The following PCDHA4 variants were observed in gnomAD, a reference collection of about 807,000 sequenced individuals.
The protein encoded by PCDHA4 is protocadherin alpha 4.
In PCDHA4, 49 loss-of-function variants were observed where a neutral mutation model predicts 61.4. The ratio of observed to expected loss-of-function variants is 0.80; its 90% CI spans 0.63 to 1.01. The LOEUF (loss-of-function observed/expected upper bound fraction) is 1.01, where lower values mean the gene tolerates loss of function less well. Ranked by LOEUF, PCDHA4 falls within the 50% of genes least tolerant of loss-of-function variation. The probability of loss-of-function intolerance (pLI) is 0.00; values close to 1 mark genes in which losing one functional copy is unlikely to be tolerated. For synonymous variants in PCDHA4, 590 were observed against 550.3 expected (o/e 1.07, Z -1.01); for missense variants, 1,254 against 1,235.8 (o/e 1.01, Z -0.22).
intron 1 of PCDHA4, among the ~76,000 whole-genome samples, chr5:140,939,509 C>T (rs1013863525): frequency 9.3e-5 from 14 of 150,592 alleles, no homozygotes; most frequent in Non-Finnish European, 1.8e-4. Flanking sequence ...ATGTCTATAA[C>T]ATTAATAGTT....
At chr5:140,883,217 G>A (rs868963567) in intron 1 of PCDHA4, 1 of 1,613,990 alleles carries the variant, frequency 6.2e-7, no homozygotes, top group Non-Finnish European at 8.5e-7. Context: ...GAAATTATAT[G>A]AAATATCCGT....
chr5:140,858,024 C>A lies in PCDHA4; in HGVS notation c.2385+48452C>A, dbSNP rs782656168. On this transcript the variant is annotated intron_variant, in intron 1 of 3. Transcript: ENST00000530339. ...AAGGACCATGGCGAGCCGTCGCTGACGGCCACGGCCACTGTGCTTGTGTCG... is the reference window on the plus strand; with the variant it reads ...AAGGACCATGGCGAGCCGTCGCTGAAGGCCACGGCCACTGTGCTTGTGTCG... 1 of 1,596,584 alleles carries A rather than the reference C, an allele frequency of 6.3e-7. No individual in the cohort carries two copies. Among genetic ancestry groups the A allele is most frequent in the East Asian group, 2.2e-5 (1 of 44,824 alleles).
At chr5:140,987,124 G>T (rs2097230182) in intron 3 of PCDHA4, among the ~76,000 whole-genome samples, 1 of 151,678 alleles carries the variant, frequency 6.6e-6, no homozygotes, top group Non-Finnish European at 1.5e-5. Flanking sequence ...TGAGGCAGGA[G>T]AATTGCTTGA....
rs58232896 is a variant in PCDHA4 at position 140,946,262 on chromosome 5, C to T, written c.2386-32687C>T. Among the ~76,000 whole-genome samples the T allele has an allele frequency of 3.4e-3, 520 of 151,790 alleles. 2 individuals are homozygous for T. Among genetic ancestry groups the T allele is most frequent in the African/African-American group, 0.012 (483 of 41,394 alleles). On this transcript the variant is annotated intron_variant, in intron 1 of 3. Transcript: ENST00000530339. Reference sequence around the variant, plus strand: ...AACATCATGAATCATCAGAAAAATGCGAATTAAAACCCCAATGAGATATCA... The same window carrying T: ...AACATCATGAATCATCAGAAAAATGTGAATTAAAACCCCAATGAGATATCA...
At chr5:140,813,728 G>C (rs1765368616) in intron 1 of PCDHA4, 1 of 152,332 alleles carries the variant, frequency 6.6e-6, no homozygotes, top group South Asian at 2.1e-4. Context: ...GGTCATGGTG[G>C]CTCATGCCTG....
At chr5:140,862,753 A>C (rs2047525211) in intron 1 of PCDHA4, 1 of 577,638 alleles carries the variant, frequency 1.7e-6, no homozygotes, top group Non-Finnish European at 3.3e-6. Context: ...GCACGCGGAG[A>C]GCGGCAAGAG....
intron 1 of PCDHA4, among the ~76,000 whole-genome samples, chr5:140,912,933 C>T (rs1433213824): frequency 6.6e-6 from 1 of 152,070 alleles, no homozygotes; most frequent in African/African-American, 2.4e-5. Context: ...TTGAATCATC[C>T]TTGTATCCCT....
chr5:140,836,580 A>G (rs782817140), intron 1 of PCDHA4: 1 of 1,613,664 alleles, frequency 6.2e-7, no homozygotes, highest in East Asian at 2.2e-5. Flanking sequence ...GGGCGCATGT[A>G]GTTTGGTAAA....
chr5:140,906,962 C>T (rs1554192812), intron 1 of PCDHA4, among the ~76,000 whole-genome samples: 2 of 152,146 alleles, frequency 1.3e-5, no homozygotes, highest in South Asian at 4.1e-4. Context: ...TTAATGGAAT[C>T]GTGGTTGTGT....
chr5:140,926,680 A>C (rs2153583997), intron 1 of PCDHA4: 1 of 637,102 alleles, frequency 1.6e-6, no homozygotes, highest in Non-Finnish European at 2.4e-6. Flanking sequence ...CCCAGCCTCC[A>C]GCCTAGCAAG....
At chr5:140,944,629 A>G (rs1371756120) in intron 1 of PCDHA4, among the ~76,000 whole-genome samples, 3 of 152,172 alleles carry the variant, frequency 2.0e-5, no homozygotes, top group African/African-American at 7.2e-5. Context: ...ATAGTGTTGT[A>G]AGCCAGTGTG....
At chr5:140,836,351 G>C (rs151141737) in intron 1 of PCDHA4, 18 of 1,613,578 alleles carry the variant, frequency 1.1e-5, no homozygotes, top group Non-Finnish European at 1.5e-5. Flanking sequence ...ACCACGGGGA[G>C]CCCTCGCTGA....
chr5:140,997,668 TTGTGTGTG>T (rs35184029), intron 3 of PCDHA4, among the ~76,000 whole-genome samples: 1 of 148,244 alleles, frequency 6.7e-6, no homozygotes, highest in Non-Finnish European at 1.5e-5. Context: ...ATTATACAGC[TTGTGTGTG>T]TGTGTGTGTG....
rs782354452 is a variant in PCDHA4, at chr5:140,966,783, C to G, written c.2386-12166C>G. 28 of 1,520,948 alleles carry G rather than the reference C, an allele frequency of 1.8e-5. No homozygotes were observed. The highest frequency in any genetic ancestry group is 2.1e-4 in the Middle Eastern group (1 of 4,706). The allele number at this position is 1,520,948 out of a possible 1,614,324, so 94.2% of individuals were successfully genotyped here. On this transcript the variant is annotated intron_variant, in intron 1 of 3. Transcript: ENST00000530339. ...CCAGTGGCTATGGAGCAGGCGGGCA[C>G]CAGACCTGCGGCGACAGAGCATCCA...
chr5:140,993,596 A>G (rs562427268), intron 3 of PCDHA4, among the ~76,000 whole-genome samples: 53 of 152,194 alleles, frequency 3.5e-4, no homozygotes, highest in Admixed American at 2.6e-4. Flanking sequence ...CTTGGCTCCA[A>G]TAGAGAATTT....
At chr5:140,877,048 G>A (rs376952553) in intron 1 of PCDHA4, 2 of 1,612,558 alleles carry the variant, frequency 1.2e-6, no homozygotes, top group East Asian at 2.2e-5. Flanking sequence ...GCTAGACCAC[G>A]AGGAGCTGGA....
In PCDHA4 at chr5:140,856,896, T is replaced by C. The variant is rs2044262669; in HGVS notation, c.2385+47324T>C. 1.3e-6 allele frequency: 2 copies of C among 1,596,700 alleles called. No homozygotes were observed. Among genetic ancestry groups the C allele is most frequent in the African/African-American group, 1.3e-5 (1 of 74,376 alleles). ...GAAATGATGTATTCATTTAGCTCTT[T>C]GGTCCCACCCACGATAAGAAGGAAA... is the stretch of plus-strand genomic sequence containing the variant. On this transcript the variant is annotated intron_variant, in intron 1 of 3. Transcript: ENST00000530339.
At position 140,809,221 on chromosome 5, in the gene PCDHA4, C is replaced by A. The variant is rs782747524; in HGVS notation, c.2034C>A (p.Ala678=). The part of the protein sequence containing the change: ...SLVESGQAPK[A]SSRALVGAVG... Reference sequence around the variant, plus strand: ...TGGAGAGTGGACAGGCGCCAAAGGCCTCCTCACGGGCGTTGGTGGGCGCTG... The same window carrying A: ...TGGAGAGTGGACAGGCGCCAAAGGCATCCTCACGGGCGTTGGTGGGCGCTG... Residue 678 remains alanine (A), a synonymous_variant, in exon 1 of 4, where the codon GCC becomes GCA. Transcript: ENST00000530339. The A allele has an allele frequency of 1.2e-6, 2 of 1,614,078 alleles. No homozygotes were observed. The highest frequency in any genetic ancestry group is 1.7e-6 in the Non-Finnish European group (2 of 1,179,966).
intron 1 of PCDHA4, chr5:140,930,385 C>T (rs1335168502): frequency 6.6e-6 from 1 of 151,798 alleles, no homozygotes; most frequent in Non-Finnish European, 1.5e-5. Flanking sequence ...CTTGGCATTT[C>T]AAAACTTCTT....
Sources: gnomAD v4.1 joint callset for allele counts (sites outside exome capture counted in the v4.1 genomes callset) on GRCh38, gnomAD v4.1.1 for gene constraint, MANE v1.5 for transcripts, NCBI Gene and HGNC (gene_info 2026-07-23, HGNC 2026-07-21) for gene names.